Variants in ZNF589 observed in about 807,000 individuals in gnomAD.
ZNF589 encodes zinc finger protein 589.
ZNF589 carries 17 observed loss-of-function variants against 13.6 expected under a neutral mutation model. The ratio of observed to expected loss-of-function variants is 1.25; its 90% CI spans 0.86 to 1.88. The LOEUF (loss-of-function observed/expected upper bound fraction) is 1.88. Ranked by LOEUF, ZNF589 falls within the 40% of genes most tolerant of loss-of-function variation. ZNF589 has a pLI of 0.00. For synonymous variants in ZNF589, 148 were observed against 161.6 expected, an observed-to-expected ratio of 0.92 and a Z score of 0.64; for missense variants, 407 against 434.0, an observed-to-expected ratio of 0.94 and a Z score of 0.55.
rs752665188 is a variant in ZNF589, at chr3:48,268,566, G to T, written c.875G>T (p.Arg292Leu). 6.2e-7 allele frequency: 1 copy of T among 1,610,276 alleles called. No individual in the cohort carries two copies. Among genetic ancestry groups the T allele is most frequent in the Admixed American group, 1.7e-5 (1 of 59,590 alleles). ...GGCTTTATAGTTGAGTCAGTCCTCC[G>T]CAACCACCTGAGTACACACTCCGGG... ...GRGFIVESVL[R>L]NHLSTHSGEK... is the part of the protein sequence containing the mutation. The change falls in exon 4 of 4, where the codon CGC (arginine) becomes CTC (leucine). Residue 292 changes from arginine (R) to leucine (L), a missense_variant. Coordinates refer to ENST00000354698, the MANE Select transcript of ZNF589 (RefSeq NM_016089.3).
chr3:48,257,964 A>G lies in ZNF589; in HGVS notation c.97-2849A>G, dbSNP rs574613560. The G allele has an allele frequency of 6.7e-6, 3 of 449,166 alleles. No homozygotes were observed. In the East Asian group the frequency reaches 2.1e-4, roughly 32 times the overall value. 27.8% of individuals were successfully genotyped at this position (449,166 alleles called of 1,614,324 possible). On this transcript the variant is annotated intron_variant, in intron 2 of 3. Transcript: ENST00000354698. Reference sequence around the variant, plus strand: ...TCAAGTATTGTGGTGATCAAATAGTAAGTTTAATATCAGGTAGCGTGATCT... The same window carrying G: ...TCAAGTATTGTGGTGATCAAATAGTGAGTTTAATATCAGGTAGCGTGATCT...
Position 48,268,107 on chromosome 3 carries a change from G to A in ZNF589, c.416G>A (p.Gly139Glu). 3 of 1,614,182 alleles carry A rather than the reference G, an allele frequency of 1.9e-6. No homozygotes were observed. Among genetic ancestry groups the A allele is most frequent in the Non-Finnish European group, 2.5e-6 (3 of 1,180,026 alleles). ...CATCCTTCTGATAAAAATCACAGGG[G>A]GGCTGAAGCAGAAGATCAACGAGTG... is the stretch of plus-strand genomic sequence containing the variant. ...SQHPSDKNHRGAEAEDQRVEG... is the reference protein window; with the variant it reads ...SQHPSDKNHREAEAEDQRVEG... The change falls in exon 4 of 4, where the codon GGG (glycine) becomes GAG (glutamate). Residue 139 changes from glycine (G) to glutamate (E), a missense_variant. By Grantham distance (98) the Gly-to-Glu change is moderately conservative. Transcript: ENST00000354698.
In ZNF589 at chr3:48,268,354, A is replaced by G. The variant is rs779389997; in HGVS notation, c.663A>G (p.Ala221=). The G allele has an allele frequency of 3.7e-6, 6 of 1,614,058 alleles. No homozygotes were observed. The African/African-American group carries it at 8.0e-5, about 22-fold the overall frequency. ...GAGCAGTCACGTTTGGGGAGTGTGC[A>G]CTAGCTTTTAACCAGAAGTCAAACC... ...GFGAVTFGEC[A]LAFNQKSNLF... Residue 221 remains alanine, a synonymous_variant, in exon 4 of 4, where the codon GCA becomes GCG. Coordinates refer to ENST00000354698, the MANE Select transcript of ZNF589 (RefSeq NM_016089.3).
chr3:48,242,661 A>G (rs1400059151), intron 1 of ZNF589, among the ~76,000 whole-genome samples: 1 of 152,180 alleles, frequency 6.6e-6, no homozygotes, highest in Non-Finnish European at 1.5e-5. Flanking sequence ...TGTAGGCCAC[A>G]CGGTCTTTGT....
At chr3:48,246,241 A>C (rs1363031090) in intron 1 of ZNF589, among the ~76,000 whole-genome samples, 1 of 151,890 alleles carries the variant, frequency 6.6e-6, no homozygotes, top group East Asian at 1.9e-4. Context: ...CAGGAGGTGG[A>C]GGTTGTAATG....
intron 3 of ZNF589, among the ~76,000 whole-genome samples, chr3:48,266,128 T>C (rs1340015116): frequency 1.3e-5 from 2 of 152,220 alleles, no homozygotes; most frequent in Non-Finnish European, 2.9e-5. Context: ...TTTAAAGGTC[T>C]ATGTTCTATA....
intron 3 of ZNF589, among the ~76,000 whole-genome samples, chr3:48,263,956 T>C (rs1423827600): frequency 6.6e-6 from 1 of 152,208 alleles, no homozygotes; most frequent in Non-Finnish European, 1.5e-5. Flanking sequence ...TACTCAAAAG[T>C]ATGTATTGAC....
At chr3:48,263,323 T>A (rs2033985888) in intron 3 of ZNF589, among the ~76,000 whole-genome samples, 1 of 152,232 alleles carries the variant, frequency 6.6e-6, no homozygotes, top group Non-Finnish European at 1.5e-5. Flanking sequence ...TTGGTCAGGC[T>A]GGTCTCAAAC....
intron 1 of ZNF589, among the ~76,000 whole-genome samples, chr3:48,247,251 G>A (rs2033776750): frequency 6.6e-6 from 1 of 151,920 alleles, no homozygotes; most frequent in African/African-American, 2.4e-5. Context: ...TGGTATTATA[G>A]GCGTGTGCCA....
At position 48,270,751 on chromosome 3, in the gene ZNF589, G is replaced by C. The variant is rs1334188318; in HGVS notation, c.*1965G>C. On this transcript the variant is annotated 3_prime_UTR_variant, in exon 4 of 4. Coordinates refer to ENST00000354698, the MANE Select transcript of ZNF589 (RefSeq NM_016089.3). Reference sequence around the variant, plus strand: ...TGCTAGAGAGGAAAAAGGACTTGGAGAGAGAGAAGGAATGGCTGGTCCAGA... The same window carrying C: ...TGCTAGAGAGGAAAAAGGACTTGGACAGAGAGAAGGAATGGCTGGTCCAGA... The C allele has an allele frequency of 6.1e-6, 1 of 164,712 alleles. No homozygotes were observed. The highest frequency in any genetic ancestry group is 1.3e-5 in the Non-Finnish European group (1 of 75,314). 10.2% of individuals were successfully genotyped at this position (164,712 alleles called of 1,614,324 possible).
chr3:48,250,743 A>C (rs557090918), intron 2 of ZNF589, among the ~76,000 whole-genome samples: 2 of 152,164 alleles, frequency 1.3e-5, no homozygotes, highest in African/African-American at 4.8e-5. Flanking sequence ...AAGTGCTGGG[A>C]TTACAGGCGT....
rs757180540 is a variant in ZNF589, at chr3:48,268,052, C to T, written c.361C>T (p.Pro121Ser). The change falls in exon 4 of 4, where the codon CCC (proline) becomes TCC (serine). Residue 121 changes from proline to serine, a missense_variant. Physicochemically the swap from Pro to Ser is moderately conservative, Grantham distance 74 (BLOSUM62 -1). Coordinates refer to ENST00000354698, the MANE Select transcript of ZNF589 (RefSeq NM_016089.3). The part of the protein sequence containing the change: ...HAGNQLHPGN[P>S]CPEDQPQSQH... The stretch of plus-strand genomic sequence containing the variant: ...AGGAAATCAACTCCACCCAGGAAAT[C>T]CCTGCCCAGAGGATCAGCCACAGTC... 1.9e-6 allele frequency: 3 copies of T among 1,614,224 alleles called. No homozygotes were observed. In the Admixed American group the frequency reaches 5.0e-5, roughly 27 times the overall value.
intron 2 of ZNF589, among the ~76,000 whole-genome samples, chr3:48,253,928 A>T (rs936509932): frequency 4.6e-5 from 7 of 152,192 alleles, no homozygotes; most frequent in African/African-American, 1.7e-4. Flanking sequence ...CCATCTCTAT[A>T]AAAAATTAAG....
chr3:48,267,998 C>T lies in ZNF589; in HGVS notation c.307C>T (p.His103Tyr). 1 of 1,614,140 alleles carries T rather than the reference C, an allele frequency of 6.2e-7. No individual in the cohort carries two copies. Among genetic ancestry groups the T allele is most frequent in the Non-Finnish European group, 8.5e-7 (1 of 1,180,048 alleles). Residue 103 changes from histidine to tyrosine, a missense_variant, in exon 4 of 4, where the codon CAC becomes TAC. Physicochemically the swap from His to Tyr is moderately conservative, Grantham distance 83. Coordinates refer to ENST00000354698, the MANE Select transcript of ZNF589 (RefSeq NM_016089.3). The stretch of plus-strand genomic sequence containing the variant: ...GCAGTTCCTCAGCCAAGATGAGCTA[C>T]ACAATCATCCTATTCCAGGTTTCCA... ...SQQFLSQDEL[H>Y]NHPIPGFHAG...
Position 48,268,057 on chromosome 3 carries a change from C to T in ZNF589, c.366C>T (p.Cys122=), listed in dbSNP as rs749881213. ...ATCAACTCCACCCAGGAAATCCCTG[C>T]CCAGAGGATCAGCCACAGTCACAAC... ...AGNQLHPGNP[C]PEDQPQSQHP... The change falls in exon 4 of 4, where the codon TGC becomes TGT. Residue 122 remains cysteine (C), a synonymous_variant. Coordinates refer to ENST00000354698, the MANE Select transcript of ZNF589 (RefSeq NM_016089.3). The T allele has an allele frequency of 3.7e-6, 6 of 1,614,220 alleles. No homozygotes were observed. The highest frequency in any genetic ancestry group is 5.1e-6 in the Non-Finnish European group (6 of 1,180,052).
intron 3 of ZNF589, 90 bp from the exon 4 acceptor site, chr3:48,267,825 A>G (rs779509192): frequency 5.6e-5 from 73 of 1,307,130 alleles, no homozygotes; most frequent in Non-Finnish European, 7.3e-5. Context: ...TTAATCATTG[A>G]GAATGATTAA....
chr3:48,249,829 T>A (rs971274509), intron 2 of ZNF589, among the ~76,000 whole-genome samples: 3 of 152,184 alleles, frequency 2.0e-5, no homozygotes, highest in Non-Finnish European at 4.4e-5. Flanking sequence ...TCTAGCTATT[T>A]TGAAATATAC....
At position 48,241,141 on chromosome 3, in the gene ZNF589, T is replaced by C. The variant is rs1553773758; in HGVS notation, c.-31T>C. 6.2e-7 allele frequency: 1 copy of C among 1,603,462 alleles called. No individual in the cohort carries two copies. On this transcript the variant is annotated 5_prime_UTR_variant, in exon 1 of 4. Coordinates refer to ENST00000354698, the MANE Select transcript of ZNF589 (RefSeq NM_016089.3). ...CCGTTTCACACACGGTGCTGCTACC[T>C]CGTTTGCTTCGTGCGTGCGTGCGCG...
In ZNF589 at chr3:48,269,496, A is replaced by G. The variant is rs2034066282; in HGVS notation, c.*710A>G. On this transcript the variant is annotated 3_prime_UTR_variant, in exon 4 of 4. Transcript: ENST00000354698. Reference sequence around the variant, plus strand: ...GGCCGGAAGATACTCCTCAACAGACACTGGAGGACACACACAGGAGAGAAA... The same window carrying G: ...GGCCGGAAGATACTCCTCAACAGACGCTGGAGGACACACACAGGAGAGAAA... 5.0e-6 allele frequency: 2 copies of G among 397,120 alleles called. No homozygotes were observed. Among genetic ancestry groups the G allele is most frequent in the South Asian group, 4.4e-5 (2 of 45,678 alleles). 24.6% of individuals were successfully genotyped at this position (397,120 alleles called of 1,614,324 possible). A position where few individuals can be genotyped will look rare whatever the true frequency, so the allele number is the denominator to read the frequency against.
Sources: allele counts gnomAD v4.1 joint callset (sites outside exome capture counted in the v4.1 genomes callset), GRCh38; gene constraint gnomAD v4.1.1; transcripts MANE v1.5; gene names NCBI Gene and HGNC (gene_info 2026-07-23, HGNC 2026-07-21).